Variants in MGRN1 observed in about 807,000 individuals in gnomAD.
MGRN1 encodes the protein mahogunin ring finger 1, also known as E3 ubiquitin-protein ligase MGRN1.
In MGRN1, 29 loss-of-function variants were observed where a neutral mutation model predicts 69.2. That is an observed-to-expected ratio of 0.42 (90% CI 0.31 to 0.57). The LOEUF is 0.57. Ranked by LOEUF, MGRN1 falls within the 20% of genes least tolerant of loss-of-function variation. MGRN1 has a pLI of 0.15. For synonymous variants in MGRN1, 470 were observed against 344.2 expected (o/e 1.37, Z -4.04); for missense variants, 998 against 796.2 (o/e 1.25, Z -3.05).
chr16:4,683,596 A>T (rs1055741001), intron 15 of MGRN1, among the ~76,000 whole-genome samples: 1 of 150,760 alleles, frequency 6.6e-6, no homozygotes, highest in Admixed American at 6.6e-5. Flanking sequence ...TCCAGGACAC[A>T]GTGTAAAAAA....
Position 4,682,876 on chromosome 16 carries a change from C to G in MGRN1, c.1412C>G (p.Ser471Cys), listed in dbSNP as rs543055292. The G allele has an allele frequency of 1.2e-6, 2 of 1,610,262 alleles. No individual in the cohort carries two copies. The highest frequency in any genetic ancestry group is 8.5e-7 in the Non-Finnish European group (1 of 1,177,330). ...CACGAAGAGGATGAGGAGAAGCTCT[C>G]CGAGGACGTGGACGCCCCTCCCCCA... ...PIHEEDEEKL[S>C]EDVDAPPPLG... is the part of the protein sequence containing the mutation. Residue 471 changes from serine (S) to cysteine (C), a missense_variant, in exon 14 of 17, where the codon TCC becomes TGC. By Grantham distance (112) the Ser-to-Cys change is moderately radical (BLOSUM62 -1). Coordinates refer to ENST00000262370, the MANE Select transcript of MGRN1 (RefSeq NM_015246.4).
intron 1 of MGRN1, among the ~76,000 whole-genome samples, chr16:4,639,368 G>C (rs2141844434): frequency 6.6e-6 from 1 of 152,316 alleles, no homozygotes; most frequent in South Asian, 2.1e-4. Context: ...GAATAGCCCA[G>C]GCCGGGAAGG....
At chr16:4,633,376 C>T (rs191385398) in intron 1 of MGRN1, among the ~76,000 whole-genome samples, 1 of 149,098 alleles carries the variant, frequency 6.7e-6, no homozygotes, top group East Asian at 2.0e-4. Flanking sequence ...GCAACAGTGC[C>T]CAGGCTTTAT....
At chr16:4,648,236 G>C (rs1388201678) in intron 1 of MGRN1, among the ~76,000 whole-genome samples, 3 of 151,702 alleles carry the variant, frequency 2.0e-5, no homozygotes, top group Non-Finnish European at 2.9e-5. Context: ...TCCCCTCGGA[G>C]ACTCTTCCCG....
At chr16:4,653,613 T>C (rs1374619726) in intron 4 of MGRN1, among the ~76,000 whole-genome samples, 20 of 141,822 alleles carry the variant, frequency 1.4e-4, no homozygotes, top group African/African-American at 2.6e-4. Flanking sequence ...CTCAGCCTCC[T>C]GAGTAGCTGG....
chr16:4,670,676 G>C (rs761769985), intron 8 of MGRN1, among the ~76,000 whole-genome samples: 46 of 152,208 alleles, frequency 3.0e-4, no homozygotes, highest in Non-Finnish European at 5.6e-4. Flanking sequence ...GCAATGTAGC[G>C]AGATCCTGTC....
chr16:4,680,156 G>A (rs369313156), intron 12 of MGRN1, 59 bp downstream of exon 12: 23 of 1,525,728 alleles, frequency 1.5e-5, no homozygotes, highest in South Asian at 3.4e-5. Flanking sequence ...TTAAACCCAC[G>A]ACAAGTAGGG....
At chr16:4,656,496 C>G (rs938067066) in intron 4 of MGRN1, among the ~76,000 whole-genome samples, 1 of 152,242 alleles carries the variant, frequency 6.6e-6, no homozygotes, top group East Asian at 1.9e-4. Context: ...TGGGTCTCTG[C>G]TGGGGCGGAC....
intron 1 of MGRN1, among the ~76,000 whole-genome samples, chr16:4,627,786 T>C (rs1414665787): frequency 6.8e-6 from 1 of 147,164 alleles, no homozygotes; most frequent in East Asian, 2.0e-4. Flanking sequence ...CGAGACTCCG[T>C]CTCAAAAAAA....
chr16:4,630,232 G>A (rs1897928685), intron 1 of MGRN1, among the ~76,000 whole-genome samples: 1 of 150,812 alleles, frequency 6.6e-6, no homozygotes, highest in African/African-American at 2.4e-5. Context: ...TGTGCCTGTA[G>A]TCCCAGCTAA....
At chr16:4,652,187 G>T in intron 3 of MGRN1, 136 bp downstream of exon 3, 2 of 757,604 alleles carry the variant, frequency 2.6e-6, no homozygotes, top group Non-Finnish European at 4.3e-6. Flanking sequence ...GGAATGAGAG[G>T]CTGTCCTGGG....
rs75040648 is a variant in MGRN1, at chr16:4,684,369, C to T, written c.1618+437C>T. 4.8e-3 allele frequency among the ~76,000 whole-genome samples: 734 copies of T among 152,370 alleles called. 4 individuals carry two copies. The highest frequency in any genetic ancestry group is 8.3e-3 in the Non-Finnish European group (568 of 68,030). On this transcript the variant is annotated intron_variant, in intron 16 of 16. Transcript: ENST00000262370. ...GGCCCCATGCTGGGTGCCACGTGCG[C>T]TCCTGGCAGTGCCTGAGAGCTGCAG...
chr16:4,676,361 CTG>C (rs2079053141), intron 10 of MGRN1, among the ~76,000 whole-genome samples: 1 of 152,238 alleles, frequency 6.6e-6, no homozygotes, highest in South Asian at 2.1e-4. Flanking sequence ...GTGTTGAGGA[CTG>C]AGCCTCAGGG....
In MGRN1 at chr16:4,677,561, G is replaced by T; in HGVS notation, c.1054G>T (p.Asp352Tyr). Residue 352 changes from aspartate (D) to tyrosine (Y), a missense_variant, in exon 11 of 17, where the codon GAT (aspartate) becomes TAT (tyrosine). Asp to Tyr is a radical substitution (Grantham distance 160, BLOSUM62 -3). Transcript: ENST00000262370. ...SPVLAQSLEHDEHSCPFKKSK... is the reference protein window; with the variant it reads ...SPVLAQSLEHYEHSCPFKKSK... ...CGTCCTGGCCCAGAGCCTGGAGCAT[G>T]ATGAGCACTCTGTAAGTGCCGCCTC... 1 of 1,599,968 alleles carries T rather than the reference G, an allele frequency of 6.3e-7. No individual in the cohort carries two copies. The highest frequency in any genetic ancestry group is 8.5e-7 in the Non-Finnish European group (1 of 1,179,680).
intron 2 of MGRN1, 89 bp from the exon 3 acceptor site, chr16:4,651,874 C>G (rs1393268555): frequency 8.6e-7 from 1 of 1,162,410 alleles, no homozygotes; most frequent in South Asian, 1.2e-5. Context: ...GGGATACCCT[C>G]TGGGGCTGTG....
At chr16:4,649,817 G>C (rs1437878911) in intron 1 of MGRN1, 1 of 154,468 alleles carries the variant, frequency 6.5e-6, no homozygotes, top group East Asian at 1.9e-4. Flanking sequence ...CCAGGGAAGG[G>C]TGTTGAGGCT....
chr16:4,665,034 C>G (rs1156588034), intron 6 of MGRN1, 68 bp from the exon 7 acceptor site: 29 of 1,571,752 alleles, frequency 1.8e-5, no homozygotes, highest in Non-Finnish European at 2.5e-5. Flanking sequence ...CTACCAGGGT[C>G]GGGGAGGTGA....
chr16:4,683,114 C>G (rs1358595486), intron 14 of MGRN1, 110 bp from the exon 15 acceptor site: 3 of 1,531,196 alleles, frequency 2.0e-6, no homozygotes, highest in African/African-American at 2.7e-5. Context: ...GCAGCACCCC[C>G]TGGTGGAGCG....
At chr16:4,671,109 G>A (rs987602397) in intron 8 of MGRN1, among the ~76,000 whole-genome samples, 1 of 152,224 alleles carries the variant, frequency 6.6e-6, no homozygotes, top group African/African-American at 2.4e-5. Context: ...TGGTGTTGGG[G>A]GTGGTGAGGC....
Sources: allele counts gnomAD v4.1 joint callset (sites outside exome capture counted in the v4.1 genomes callset), GRCh38; gene constraint gnomAD v4.1.1; transcripts MANE v1.5; gene names NCBI Gene and HGNC (gene_info 2026-07-23, HGNC 2026-07-21).